Variants in CAMKMT observed in about 807,000 individuals in gnomAD.
CAMKMT encodes calmodulin-lysine N-methyltransferase, also known as CaM KMT.
A neutral mutation model predicts 48.0 loss-of-function variants in CAMKMT; 53 were observed. That is an observed-to-expected ratio of 1.10 (90% confidence interval 0.89 to 1.39). The LOEUF is 1.39. CAMKMT is among the 40% of genes most tolerant of loss of function. CAMKMT has a pLI of 0.00. For missense variants in CAMKMT, 428 were observed against 402.7 expected (o/e 1.06, Z -0.54); for synonymous variants, 165 against 152.3 (o/e 1.08, Z -0.61).
intron 3 of CAMKMT, among the ~76,000 whole-genome samples, chr2:44,452,696 T>C (rs1416981649): frequency 6.6e-6 from 1 of 152,046 alleles, no homozygotes; most frequent in East Asian, 1.9e-4. Context: ...AACCTTTGTA[T>C]TATAATCTGT....
intron 3 of CAMKMT, among the ~76,000 whole-genome samples, chr2:44,666,610 A>ATTTTTTTTTTTTTTTTT (rs1674984437): frequency 1.4e-5 from 2 of 140,516 alleles, no homozygotes; most frequent in African/African-American, 6.1e-5. Flanking sequence ...GGCTCCTGGA[A>ATTTTTTTTTTTTTTTTT]TCTTTTTTTT....
At position 44,361,971 on chromosome 2, in the gene CAMKMT, G is replaced by T; in HGVS notation, c.-37G>T. On this transcript the variant is annotated 5_prime_UTR_variant, in exon 1 of 11. Coordinates refer to ENST00000378494, the MANE Select transcript of CAMKMT (RefSeq NM_024766.5). The stretch of plus-strand genomic sequence containing the variant: ...CAGGTCCTGGCAGGGGACGAGCTGC[G>T]GCGGTGGCACCTCCGGGTGTGGAAG... 1.5e-6 allele frequency: 2 copies of T among 1,362,570 alleles called. No homozygotes were observed. The highest frequency in any genetic ancestry group is 9.4e-7 in the Non-Finnish European group (1 of 1,061,828). 84.4% of individuals were successfully genotyped at this position (1,362,570 alleles called of 1,614,324 possible). A position where few individuals can be genotyped will look rare whatever the true frequency, so the allele number is the denominator to read the frequency against.
intron 2 of CAMKMT, among the ~76,000 whole-genome samples, chr2:44,389,304 T>C (rs757730010): frequency 6.6e-6 from 1 of 152,168 alleles, no homozygotes; most frequent in Non-Finnish European, 1.5e-5. Flanking sequence ...TTAAAAGCCC[T>C]ATTGCTAAAT....
intron 7 of CAMKMT, among the ~76,000 whole-genome samples, chr2:44,740,804 A>T (rs1679637537): frequency 6.6e-6 from 1 of 152,182 alleles, no homozygotes; most frequent in African/African-American, 2.4e-5. Context: ...TAAGTCATGA[A>T]ATTTAAGCTG....
intron 5 of CAMKMT, among the ~76,000 whole-genome samples, chr2:44,706,942 G>A (rs1388908702): frequency 6.6e-6 from 1 of 151,984 alleles, no homozygotes; most frequent in Admixed American, 6.6e-5. Context: ...CTTATACAAT[G>A]TGTCGAGGTT....
intron 2 of CAMKMT, among the ~76,000 whole-genome samples, chr2:44,384,712 T>C (rs576591553): frequency 1.3e-5 from 2 of 152,250 alleles, no homozygotes; most frequent in Admixed American, 6.5e-5. Context: ...TAGCCAATTA[T>C]TCCAGCACCA....
chr2:44,648,159 A>G (rs570528787), intron 3 of CAMKMT, among the ~76,000 whole-genome samples: 2 of 152,190 alleles, frequency 1.3e-5, no homozygotes, highest in South Asian at 4.1e-4. Flanking sequence ...AACATTATGT[A>G]TAGTATAATG....
At chr2:44,610,800 T>G (rs13020109) in intron 3 of CAMKMT, among the ~76,000 whole-genome samples, 1 of 152,206 alleles carries the variant, frequency 6.6e-6, no homozygotes, top group Non-Finnish European at 1.5e-5. Flanking sequence ...CAGAATATTG[T>G]ACATATTTCA....
intron 2 of CAMKMT, among the ~76,000 whole-genome samples, chr2:44,386,475 T>A (rs758550449): frequency 2.6e-5 from 4 of 152,092 alleles, no homozygotes; most frequent in Non-Finnish European, 5.9e-5. Context: ...TTTTCTTTCA[T>A]TTGTCTTTTG....
chr2:44,624,643 C>G (rs1158106866), intron 3 of CAMKMT, among the ~76,000 whole-genome samples: 1 of 152,210 alleles, frequency 6.6e-6, no homozygotes, highest in Non-Finnish European at 1.5e-5. Flanking sequence ...CATGTTCCTA[C>G]AAAGGACATG....
rs146152032 is a variant in CAMKMT at position 44,749,116 on chromosome 2, G to T, written c.699-4939G>T. Among the ~76,000 whole-genome samples the T allele has an allele frequency of 2.2e-3, 335 of 152,230 alleles. 1 individual carries two copies. Among genetic ancestry groups the T allele is most frequent in the African/African-American group, 7.9e-3 (327 of 41,542 alleles). On this transcript the variant is annotated intron_variant, in intron 8 of 10. Transcript: ENST00000378494. ...GGGATGAGGTTCCATTCTGGACGTG[G>T]TTTCTAGCTCATCTGAGGATTCTTT... is the stretch of plus-strand genomic sequence containing the variant.
chr2:44,461,034 A>G (rs951262712), intron 3 of CAMKMT, among the ~76,000 whole-genome samples: 3 of 152,090 alleles, frequency 2.0e-5, no homozygotes, highest in Non-Finnish European at 2.9e-5. Context: ...TGAGTGACAG[A>G]TTCTTAAGTA....
At chr2:44,735,132 G>T (rs1679286921) in intron 7 of CAMKMT, among the ~76,000 whole-genome samples, 1 of 152,154 alleles carries the variant, frequency 6.6e-6, no homozygotes, top group Admixed American at 6.5e-5. Flanking sequence ...TCTTTGCTCT[G>T]AAATCTACTA....
intron 2 of CAMKMT, among the ~76,000 whole-genome samples, chr2:44,389,846 G>A (rs1046957448): frequency 6.6e-6 from 1 of 152,076 alleles, no homozygotes; most frequent in Non-Finnish European, 1.5e-5. Flanking sequence ...AATTTTTTGT[G>A]CTGTTATAGA....
chr2:44,621,233 C>T (rs1372854800), intron 3 of CAMKMT, among the ~76,000 whole-genome samples: 5 of 142,604 alleles, frequency 3.5e-5, no homozygotes, highest in African/African-American at 5.5e-5. Flanking sequence ...CACCACTGCA[C>T]TCCAGCCTGG....
intron 3 of CAMKMT, among the ~76,000 whole-genome samples, chr2:44,693,436 T>A (rs1200740060): frequency 6.6e-6 from 1 of 152,174 alleles, no homozygotes; most frequent in African/African-American, 2.4e-5. Flanking sequence ...CCTACAACAT[T>A]AAGCCCTCTT....
chr2:44,445,702 G>T (rs1666955602), intron 3 of CAMKMT, among the ~76,000 whole-genome samples: 1 of 112,078 alleles, frequency 8.9e-6, no homozygotes, highest in Non-Finnish European at 1.7e-5. Context: ...TTACCAGTTG[G>T]GCTTTTGGTC....
chr2:44,494,657 C>A (rs1049773719), intron 3 of CAMKMT, among the ~76,000 whole-genome samples: 1 of 151,934 alleles, frequency 6.6e-6, no homozygotes, highest in Non-Finnish European at 1.5e-5. Context: ...TTAAATTGTA[C>A]CAAGAGAACA....
chr2:44,439,786 A>AACAT (rs1666526597), intron 3 of CAMKMT, among the ~76,000 whole-genome samples: 1 of 147,816 alleles, frequency 6.8e-6, no homozygotes, highest in South Asian at 2.2e-4. Flanking sequence ...TCCATCTCAT[A>AACAT]AAATAAATAA....
Sources: gnomAD v4.1 joint callset for allele counts (sites outside exome capture counted in the v4.1 genomes callset) on GRCh38, gnomAD v4.1.1 for gene constraint, MANE v1.5 for transcripts, NCBI Gene and HGNC (gene_info 2026-07-23, HGNC 2026-07-21) for gene names.